Variants in MKX observed in about 807,000 individuals in gnomAD.
The protein encoded by MKX is homeobox protein Mohawk.
A neutral mutation model predicts 36.0 loss-of-function variants in MKX; 13 were observed. That is an observed-to-expected ratio of 0.36 (90% CI 0.24 to 0.57). The LOEUF (loss-of-function observed/expected upper bound fraction) is 0.57. Among genes scored for constraint, MKX ranks in the 20% least tolerant of loss-of-function variants. The pLI is 0.79. For synonymous variants in MKX, 176 were observed against 178.3 expected (o/e 0.99, Z 0.10); for missense variants, 458 against 456.4 (o/e 1.00, Z -0.03).
chr10:27,677,995 C>T (rs141175559), intron 5 of MKX, among the ~76,000 whole-genome samples: 4 of 152,308 alleles, frequency 2.6e-5, no homozygotes. Context: ...CATGTAAATG[C>T]AGGAAAAGAA....
At chr10:27,715,356 A>T (rs1459608883) in intron 5 of MKX, among the ~76,000 whole-genome samples, 3 of 152,168 alleles carry the variant, frequency 2.0e-5, no homozygotes, top group African/African-American at 7.2e-5. Flanking sequence ...TCCAGCCTCA[A>T]ATGCTCACAG....
intron 5 of MKX, among the ~76,000 whole-genome samples, chr10:27,683,462 C>T (rs886174023): frequency 6.6e-6 from 1 of 152,236 alleles, no homozygotes; most frequent in Non-Finnish European, 1.5e-5. Context: ...TGATGATACA[C>T]TTGCATTTCT....
At chr10:27,736,682 T>G (rs1405343897) in intron 3 of MKX, among the ~76,000 whole-genome samples, 1 of 152,102 alleles carries the variant, frequency 6.6e-6, no homozygotes, top group Non-Finnish European at 1.5e-5. Flanking sequence ...ACATTTTTTG[T>G]GCATTACTCA....
chr10:27,684,613 T>C (rs1836310548), intron 5 of MKX, among the ~76,000 whole-genome samples: 1 of 152,168 alleles, frequency 6.6e-6, no homozygotes, highest in East Asian at 1.9e-4. Context: ...AATAAGACAA[T>C]AATTTACCCC....
chr10:27,732,385 C>T (rs1834651092), intron 5 of MKX, among the ~76,000 whole-genome samples: 1 of 152,056 alleles, frequency 6.6e-6, no homozygotes, highest in African/African-American at 2.4e-5. Flanking sequence ...GTGGAGAATG[C>T]CAATTTATTT....
intron 5 of MKX, among the ~76,000 whole-genome samples, chr10:27,685,443 A>ATT (rs529959736): frequency 4.0e-4 from 45 of 112,824 alleles, no homozygotes; most frequent in Non-Finnish European, 6.2e-4. Flanking sequence ...CAGCAGAGTG[A>ATT]TTTTTTTTTT....
At chr10:27,701,321 G>C (rs1836648720) in intron 5 of MKX, among the ~76,000 whole-genome samples, 1 of 43,374 alleles carries the variant, frequency 2.3e-5, no homozygotes, top group Admixed American at 2.7e-4. Flanking sequence ...ATTCTCACGT[G>C]ATTTTATCTC....
chr10:27,727,445 T>C (rs940319913), intron 5 of MKX, among the ~76,000 whole-genome samples: 28 of 152,266 alleles, frequency 1.8e-4, no homozygotes, highest in African/African-American at 6.3e-4. Context: ...CAATTGCATT[T>C]GAATTTTTGC....
chr10:27,729,912 A>T (rs1168101148), intron 5 of MKX, among the ~76,000 whole-genome samples: 1 of 152,098 alleles, frequency 6.6e-6, no homozygotes, highest in Non-Finnish European at 1.5e-5. Flanking sequence ...ACAGGAATGG[A>T]GGTGGATATT....
At chr10:27,725,917 T>C (rs890568166) in intron 5 of MKX, among the ~76,000 whole-genome samples, 2 of 152,192 alleles carry the variant, frequency 1.3e-5, no homozygotes, top group African/African-American at 2.4e-5. Flanking sequence ...AGGACCCCTT[T>C]ATGCCAGCTT....
At chr10:27,717,265 G>A (rs1049617842) in intron 5 of MKX, among the ~76,000 whole-genome samples, 1 of 152,138 alleles carries the variant, frequency 6.6e-6, no homozygotes, top group Non-Finnish European at 1.5e-5. Context: ...CCAGACTTCC[G>A]ACTTCCAGAA....
At chr10:27,706,753 CT>C (rs1294288395) in intron 5 of MKX, among the ~76,000 whole-genome samples, 2 of 151,932 alleles carry the variant, frequency 1.3e-5, no homozygotes, top group African/African-American at 2.4e-5. Context: ...TGAGGTGTTT[CT>C]TTTTTTGTTG....
intron 5 of MKX, among the ~76,000 whole-genome samples, chr10:27,732,986 G>T (rs1195330410): frequency 6.6e-6 from 1 of 152,164 alleles, no homozygotes; most frequent in Non-Finnish European, 1.5e-5. Flanking sequence ...CTGGGTTCAA[G>T]GAATCCTCTT....
intron 5 of MKX, among the ~76,000 whole-genome samples, chr10:27,727,900 A>G (rs191609292): frequency 6.6e-6 from 1 of 152,350 alleles, no homozygotes; most frequent in Admixed American, 6.5e-5. Flanking sequence ...AGTTTAGAAG[A>G]GAAGAAAATT....
At chr10:27,727,008 T>C (rs1379747890) in intron 5 of MKX, among the ~76,000 whole-genome samples, 2 of 152,112 alleles carry the variant, frequency 1.3e-5, no homozygotes, top group African/African-American at 2.4e-5. Context: ...ACTTTTAATA[T>C]ATATATACAA....
intron 3 of MKX, among the ~76,000 whole-genome samples, chr10:27,738,589 T>C (rs1834827701): frequency 6.6e-6 from 1 of 152,040 alleles, no homozygotes; most frequent in Non-Finnish European, 1.5e-5. Flanking sequence ...TAGTTAGATA[T>C]GACTAATTTA....
chr10:27,697,004 C>T (rs1226738845), intron 5 of MKX, among the ~76,000 whole-genome samples: 2 of 152,162 alleles, frequency 1.3e-5, no homozygotes, highest in East Asian at 3.8e-4. Flanking sequence ...CCACGTGTTA[C>T]CTAAAAGACT....
intron 5 of MKX, among the ~76,000 whole-genome samples, chr10:27,708,834 C>G (rs1260593505): frequency 1.3e-5 from 2 of 151,688 alleles, no homozygotes; most frequent in Non-Finnish European, 2.9e-5. Flanking sequence ...ATCCAACCAA[C>G]AGTGAATCGA....
Position 27,742,720 on chromosome 10 carries a change from C to A in MKX, c.188+508G>T, listed in dbSNP as rs1171760179. On this transcript the variant is annotated intron_variant, in intron 2 of 6. Transcript: ENST00000419761. The surrounding 1 kb of genome is among the most constrained non-coding windows in gnomAD (Gnocchi z 4.2). The stretch of plus-strand genomic sequence containing the variant: ...CGCGGGCCCAGCCGAGCCGCGCTCA[C>A]GCCCGGGACTCCCTGGCGGGAGGCG... Among the ~76,000 whole-genome samples the A allele has an allele frequency of 6.6e-6, 1 of 152,114 alleles. No homozygotes were observed. Among genetic ancestry groups the A allele is most frequent in the East Asian group, 2.0e-4 (1 of 5,098 alleles).
Sources: gnomAD v4.1 joint callset for allele counts (sites outside exome capture counted in the v4.1 genomes callset) on GRCh38, gnomAD v4.1.1 for gene constraint, Gnocchi (gnomAD v3.1) non-coding constraint, MANE v1.5 for transcripts, NCBI Gene and HGNC (gene_info 2026-07-23, HGNC 2026-07-21) for gene names.